DCHS2: variants seen among roughly 807,000 people sequenced by gnomAD.
DCHS2 encodes dachsous cadherin-related 2.
In DCHS2, 142 loss-of-function variants were observed where a neutral mutation model predicts 182.4. The ratio of observed to expected loss-of-function variants is 0.78; its 90% confidence interval spans 0.68 to 0.89. DCHS2 has a LOEUF of 0.89. Ranked by LOEUF, DCHS2 falls within the 40% of genes least tolerant of loss-of-function variation. The probability of loss-of-function intolerance (pLI) is 0.00; values close to 1 mark genes in which losing one functional copy is unlikely to be tolerated. For synonymous variants in DCHS2, 1,740 were observed against 1,663.3 expected, an observed-to-expected ratio of 1.05 and a Z score of -1.12; for missense variants, 4,319 against 4,198.6, an observed-to-expected ratio of 1.03 and a Z score of -0.79.
chr4:154,278,048 A>C (rs568367594), intron 13 of DCHS2, among the ~76,000 whole-genome samples: 56 of 152,068 alleles, frequency 3.7e-4, no homozygotes, highest in African/African-American at 1.3e-3. Context: ...CACACACACA[A>C]AAAAAAAGAA....
At chr4:154,331,420 T>C (rs891067825) in intron 5 of DCHS2, among the ~76,000 whole-genome samples, 20 of 152,158 alleles carry the variant, frequency 1.3e-4, no homozygotes, top group African/African-American at 4.8e-4. Context: ...ACTAGCCATA[T>C]GGAAGTAAAG....
intron 1 of DCHS2, among the ~76,000 whole-genome samples, chr4:154,420,304 C>T (rs201729630): frequency 7.5e-6 from 1 of 133,254 alleles, no homozygotes; most frequent in Non-Finnish European, 1.6e-5. Flanking sequence ...TAGATAGATA[C>T]GTACGTACAT....
rs147630053 is a variant in DCHS2 at position 154,259,500 on chromosome 4, CCACACACACA to C, written c.6789+35_6789+44del. Reference sequence around the variant, plus strand: ...CTCTCTCTCTCTCACACAGACACACCCACACACACACACACACACACACACACAAATATAT... The same window carrying C: ...CTCTCTCTCTCTCACACAGACACACCCACACACACACACACACAAATATAT... On this transcript the variant is annotated intron_variant, in intron 15 of 19. Transcript: ENST00000357232. 1.4e-4 allele frequency: 196 copies of C among 1,411,032 alleles called. 1 individual carries two copies. The highest frequency in any genetic ancestry group is 1.3e-4 in the Admixed American group (7 of 55,342). 87.4% of individuals were successfully genotyped at this position (1,411,032 alleles called of 1,614,324 possible). A position where few individuals can be genotyped will look rare whatever the true frequency, so the allele number is the denominator to read the frequency against.
At chr4:154,377,756 C>T (rs958629035) in intron 1 of DCHS2, among the ~76,000 whole-genome samples, 1 of 152,136 alleles carries the variant, frequency 6.6e-6, no homozygotes. Flanking sequence ...ATTCACTATA[C>T]GTAACTAATC....
intron 1 of DCHS2, among the ~76,000 whole-genome samples, chr4:154,404,573 TG>T (rs1287715472): frequency 6.6e-6 from 1 of 152,216 alleles, no homozygotes; most frequent in East Asian, 1.9e-4. Flanking sequence ...TTGGATTTTT[TG>T]TTTGTACTTT....
intron 1 of DCHS2, among the ~76,000 whole-genome samples, chr4:154,445,730 G>C (rs1461694760): frequency 6.6e-6 from 1 of 151,024 alleles, no homozygotes; most frequent in Non-Finnish European, 1.5e-5. Context: ...AGGATTACTT[G>C]AGCCTAGGAG....
chr4:154,333,376 G>A lies in DCHS2; in HGVS notation c.2832C>T (p.Pro944=). 6.2e-7 allele frequency: 1 copy of A among 1,614,162 alleles called. No individual in the cohort carries two copies. Among genetic ancestry groups the A allele is most frequent in the Non-Finnish European group, 8.5e-7 (1 of 1,180,048 alleles). The change falls in exon 5 of 20, where the codon CCC becomes CCT. Residue 944 remains proline, a synonymous_variant. Coordinates refer to ENST00000357232, the MANE Select transcript of DCHS2 (RefSeq NM_001358235.2). ...TRKPLDHETQ[P]VVVLTVQAQL... is the part of the protein sequence containing the mutation. ...GCGCCTGCACCGTGAGCACAACCAC[G>A]GGCTGCGTCTCGTGATCCAGGGGCT...
chr4:154,291,175 G>C (rs1230459046), intron 13 of DCHS2, among the ~76,000 whole-genome samples: 1 of 151,830 alleles, frequency 6.6e-6, no homozygotes, highest in Non-Finnish European at 1.5e-5. Flanking sequence ...TGGCAAACAG[G>C]TATAAGAAAA....
At chr4:154,409,483 C>G (rs1732534413) in intron 1 of DCHS2, among the ~76,000 whole-genome samples, 1 of 152,166 alleles carries the variant, frequency 6.6e-6, no homozygotes, top group African/African-American at 2.4e-5. Context: ...CAGGCCAGTA[C>G]CGTGCTCTGT....
intron 2 of DCHS2, among the ~76,000 whole-genome samples, chr4:154,372,770 A>G (rs188931880): frequency 5.8e-4 from 88 of 152,334 alleles, no homozygotes; most frequent in African/African-American, 2.0e-3. Flanking sequence ...CTTATGAGAT[A>G]AATAGCAGCA....
intron 7 of DCHS2, 44 bp from the exon 8 acceptor site, chr4:154,322,532 G>A: frequency 6.5e-7 from 1 of 1,542,960 alleles, no homozygotes; most frequent in African/African-American, 1.4e-5. Context: ...AATTGACAAT[G>A]CAGAAAACAG....
intron 5 of DCHS2, chr4:154,331,644 T>TGCAAAGTCTGTCCCACTAAAGGCAGCA: frequency 4.3e-6 from 7 of 1,613,994 alleles, no homozygotes; most frequent in Admixed American, 1.7e-5. Flanking sequence ...CAGAACTGAA[T>TGCAAAGTCTGTCCCACTAAAGGCAGCA]GCAAAGTCTG....
chr4:154,275,814 T>C (rs182880479), intron 13 of DCHS2, among the ~76,000 whole-genome samples: 4 of 152,236 alleles, frequency 2.6e-5, no homozygotes, highest in Admixed American at 1.3e-4. Context: ...ACTGCTTGCA[T>C]AGAAAAGAAT....
At chr4:154,428,110 G>A (rs1300074509) in intron 1 of DCHS2, among the ~76,000 whole-genome samples, 1 of 152,104 alleles carries the variant, frequency 6.6e-6, no homozygotes, top group Non-Finnish European at 1.5e-5. Context: ...GAGCTTCAGA[G>A]TAACTTAATT....
chr4:154,316,932 C>T (rs1319807780), intron 9 of DCHS2, among the ~76,000 whole-genome samples: 1 of 152,188 alleles, frequency 6.6e-6, no homozygotes, highest in East Asian at 1.9e-4. Flanking sequence ...TTATATGATT[C>T]CAATTATCAC....
At position 154,489,860 on chromosome 4, in the gene DCHS2, C is replaced by G; in HGVS notation, c.1496G>C (p.Arg499Thr). 4 of 1,548,008 alleles carry G rather than the reference C, an allele frequency of 2.6e-6. No individual in the cohort carries two copies. Among genetic ancestry groups the G allele is most frequent in the Non-Finnish European group, 3.5e-6 (4 of 1,144,422 alleles). Residue 499 changes from arginine (R) to threonine (T), a missense_variant, in exon 1 of 20, where the codon AGA becomes ACA. By Grantham distance (71) the Arg-to-Thr change is moderately conservative. Coordinates refer to ENST00000357232, the MANE Select transcript of DCHS2 (RefSeq NM_001358235.2). ...FFLCVEGPLD[R>T]ESRDLYELLL... is the part of the protein sequence containing the mutation. Reference sequence around the variant, plus strand: ...TAACTCATACAGATCGCGGCTCTCTCTGTCCAGGGGCCCCTCCACGCAAAG... The same window carrying G: ...TAACTCATACAGATCGCGGCTCTCTGTGTCCAGGGGCCCCTCCACGCAAAG...
chr4:154,236,283 G>A lies in DCHS2; in HGVS notation c.8369C>T (p.Ser2790Phe), dbSNP rs755310867. 6.2e-7 allele frequency: 1 copy of A among 1,614,042 alleles called. No individual in the cohort carries two copies. The highest frequency in any genetic ancestry group is 8.5e-7 in the Non-Finnish European group (1 of 1,179,954). The change falls in exon 20 of 20, where the codon TCT becomes TTT. Residue 2790 changes from serine to phenylalanine, a missense_variant. Coordinates refer to ENST00000357232, the MANE Select transcript of DCHS2 (RefSeq NM_001358235.2). ...ENLPISSTIC[S>F]INALDFDAGP... ...AGCATCAAAATCCAGAGCATTTATA[G>A]AGCATATGGTAGAGGAAATAGGCAG... is the stretch of plus-strand genomic sequence containing the variant.
At chr4:154,362,352 T>C (rs1034992484) in intron 3 of DCHS2, among the ~76,000 whole-genome samples, 1 of 152,318 alleles carries the variant, frequency 6.6e-6, no homozygotes, top group Middle Eastern at 3.4e-3. Context: ...TTTTGCTCCA[T>C]ATATCAATGA....
rs78197870 is a variant in DCHS2 at position 154,481,805 on chromosome 4, G to A, written c.2052+7499C>T. Reference sequence around the variant, plus strand: ...AATTTACTTGAGGTTAAGCTATTAAGTAACAGAGCTGAAATTTAAACTTGG... The same window carrying A: ...AATTTACTTGAGGTTAAGCTATTAAATAACAGAGCTGAAATTTAAACTTGG... On this transcript the variant is annotated intron_variant, in intron 1 of 19. Transcript: ENST00000357232. 3.9e-3 allele frequency among the ~76,000 whole-genome samples: 600 copies of A among 152,288 alleles called. 4 individuals are homozygous for A. The highest frequency in any genetic ancestry group is 6.6e-3 in the Non-Finnish European group (451 of 68,024).
Sources: gnomAD v4.1 joint callset for allele counts (sites outside exome capture counted in the v4.1 genomes callset) on GRCh38, gnomAD v4.1.1 for gene constraint, MANE v1.5 for transcripts, NCBI Gene and HGNC (gene_info 2026-07-23, HGNC 2026-07-21) for gene names.